CCDC33: variants seen among roughly 807,000 people sequenced by gnomAD.
CCDC33 encodes the protein coiled-coil domain containing 33.
Under a neutral mutation model 91.9 loss-of-function variants are expected in CCDC33, and 94 were observed. That is an observed-to-expected ratio of 1.02 (90% CI 0.87 to 1.21). The LOEUF is 1.21. Among genes scored for constraint, CCDC33 ranks in the 50% most tolerant of loss-of-function variants. The pLI, the probability that CCDC33 is intolerant of heterozygous loss-of-function variation, is 0.00. For synonymous variants in CCDC33, 396 were observed against 374.5 expected, an observed-to-expected ratio of 1.06 and a Z score of -0.66; for missense variants, 940 against 935.5, an observed-to-expected ratio of 1.00 and a Z score of -0.06.
chr15:74,214,940 T>C (rs1278697453), upstream of CCDC33, among the ~76,000 whole-genome samples: 1 of 152,254 alleles, frequency 6.6e-6, no homozygotes, highest in African/African-American at 2.4e-5. Context: ...GCTTTAACCA[T>C]TTCCCAGGCA....
rs79782206 is a variant in CCDC33 at position 74,250,571 on chromosome 15, C to T, written c.185+6423C>T. ...TCCTCCCTCATTACATGTTTTCATG[C>T]GACTCTGTACCAGGATATGTGCTTA... On this transcript the variant is annotated intron_variant, in intron 2 of 18. Transcript: ENST00000398814. 7.0e-3 allele frequency among the ~76,000 whole-genome samples: 1,073 copies of T among 152,332 alleles called. 12 individuals are homozygous for T. The Middle Eastern group carries it at 0.075, about 11-fold the overall frequency.
At chr15:74,333,078 C>G in intron 16 of CCDC33, 1 of 777,554 alleles carries the variant, frequency 1.3e-6, no homozygotes, top group Non-Finnish European at 2.1e-6. Flanking sequence ...AAAGCAAGCC[C>G]CTTGTTGACC....
At chr15:74,333,824 C>A in intron 16 of CCDC33, 57 bp from the exon 17 acceptor site, 1 of 1,438,856 alleles carries the variant, frequency 6.9e-7, no homozygotes, top group Non-Finnish European at 9.7e-7. Context: ...GTTTCCCAAG[C>A]TCACACTGCC....
intron 1 of CCDC33, 112 bp from the exon 2 acceptor site, chr15:74,243,873 A>T (rs1329354036): frequency 2.3e-5 from 26 of 1,151,420 alleles, no homozygotes; most frequent in Non-Finnish European, 3.1e-5. Flanking sequence ...TGAACCTGGG[A>T]GGTAGAGGCT....
intron 10 of CCDC33, among the ~76,000 whole-genome samples, chr15:74,292,565 G>A (rs1434971463): frequency 3.3e-5 from 5 of 152,160 alleles, no homozygotes; most frequent in South Asian, 2.1e-4. Flanking sequence ...GTGCTGTTTG[G>A]AGGTCTAAAG....
chr15:74,332,692 C>T lies in CCDC33; in HGVS notation c.1785C>T (p.Leu595=). The change falls in exon 16 of 19, where the codon CTC becomes CTT. Residue 595 remains leucine (L), a synonymous_variant. Transcript: ENST00000398814. The part of the protein sequence containing the change: ...QGKPYTGFPM[L]SASGLPLGSM... ...CCGTGTCTCTAGGCTTCCCTATGCT[C>T]TCAGCCTCTGGCCTTCCCTTGGGTT... is the stretch of plus-strand genomic sequence containing the variant. 2 of 1,614,160 alleles carry T rather than the reference C, an allele frequency of 1.2e-6. No homozygotes were observed. Among genetic ancestry groups the T allele is most frequent in the Non-Finnish European group, 1.7e-6 (2 of 1,179,990 alleles).
chr15:74,219,254 G>A (rs1342912589), intron 2 of CCDC33, among the ~76,000 whole-genome samples: 1 of 152,200 alleles, frequency 6.6e-6, no homozygotes, highest in Non-Finnish European at 1.5e-5. Context: ...CCCTGACCAG[G>A]AGGGGCTCAA....
At chr15:74,282,730 A>G (rs765464094) in intron 10 of CCDC33, among the ~76,000 whole-genome samples, 1 of 152,108 alleles carries the variant, frequency 6.6e-6, no homozygotes, top group South Asian at 2.1e-4. Flanking sequence ...GTTGGTCCAA[A>G]TGTGAAGACA....
At chr15:74,286,448 A>G (rs777833232) in intron 10 of CCDC33, among the ~76,000 whole-genome samples, 2 of 152,018 alleles carry the variant, frequency 1.3e-5, no homozygotes, top group African/African-American at 2.4e-5. Flanking sequence ...TCGAGATCCC[A>G]CAGCATCCTG....
intron 2 of CCDC33, among the ~76,000 whole-genome samples, chr15:74,228,990 G>A (rs981511610): frequency 2.0e-5 from 3 of 152,176 alleles, no homozygotes; most frequent in African/African-American, 4.8e-5. Flanking sequence ...GCAGTTTCCT[G>A]TAATTGGAGC....
upstream of CCDC33, among the ~76,000 whole-genome samples, chr15:74,232,734 C>T (rs998353376): frequency 5.3e-5 from 8 of 152,216 alleles, no homozygotes; most frequent in African/African-American, 1.9e-4. Context: ...ATCAGGACTG[C>T]TCTGAGGGCC....
In CCDC33 at chr15:74,227,773, A is replaced by G. The variant is rs78536497; in HGVS notation, c.675+8912A>G. ...GTTCAGGTTCCTGGTCTGCCTTGCA[A>G]TAGGTGTTCCTGAGCAAGTCATTTT... On this transcript the variant is annotated intron_variant, in intron 2 of 2. Coordinates refer to the CCDC33 transcript ENST00000635913. 4.4e-3 allele frequency among the ~76,000 whole-genome samples: 668 copies of G among 152,306 alleles called. 2 individuals are homozygous for G. The highest frequency in any genetic ancestry group is 6.9e-3 in the Non-Finnish European group (470 of 68,030).
At position 74,218,903 on chromosome 15, in the gene CCDC33, G is replaced by C. The variant is rs931895929; in HGVS notation, c.675+42G>C. The stretch of plus-strand genomic sequence containing the variant: ...TCCCAGTTCAGGTTCTGGGCTCACC[G>C]GGTACAAGACCCAGCCTCCGTGATA... On this transcript the variant is annotated intron_variant, in intron 2 of 2. Coordinates refer to the CCDC33 transcript ENST00000635913. The surrounding 1 kb of genome is among the most constrained non-coding windows in gnomAD (Gnocchi z 4.8). The C allele has an allele frequency of 3.3e-6, 4 of 1,201,736 alleles. No individual in the cohort carries two copies. Among genetic ancestry groups the C allele is most frequent in the Middle Eastern group, 3.7e-4 (1 of 2,674 alleles). 74.4% of individuals were successfully genotyped at this position (1,201,736 alleles called of 1,614,324 possible).
upstream of CCDC33, among the ~76,000 whole-genome samples, chr15:74,213,733 G>A (rs1390914777): frequency 3.3e-5 from 5 of 152,318 alleles, no homozygotes; most frequent in East Asian, 3.9e-4. Context: ...TTGCCCTGTG[G>A]GCCTCTGGCA....
At chr15:74,323,277 C>T (rs543066561) in intron 11 of CCDC33, among the ~76,000 whole-genome samples, 128 of 152,102 alleles carry the variant, frequency 8.4e-4, no homozygotes, top group Admixed American at 3.1e-3. Flanking sequence ...CTCCTTTTTC[C>T]AAAATTCTTT....
chr15:74,332,396 G>A (rs2060457955), intron 15 of CCDC33, among the ~76,000 whole-genome samples: 2 of 152,226 alleles, frequency 1.3e-5, no homozygotes, highest in African/African-American at 4.8e-5. Context: ...GGCCCAGGGA[G>A]TGAGAAGAAT....
chr15:74,211,393 C>CTTTTT (rs34963230), intron 2 of CCDC33, among the ~76,000 whole-genome samples: 61 of 73,888 alleles, frequency 8.3e-4, no homozygotes, highest in East Asian at 1.3e-3. Flanking sequence ...CTGCCCCTGG[C>CTTTTT]TTTTTTTTTT....
At chr15:74,328,706 C>G (rs2060361659) in intron 11 of CCDC33, among the ~76,000 whole-genome samples, 1 of 152,208 alleles carries the variant, frequency 6.6e-6, no homozygotes. Context: ...TGGGCCCCTG[C>G]TGCCAGGAGA....
At position 74,333,775 on chromosome 15, in the gene CCDC33, G is replaced by A. The variant is rs1156944197; in HGVS notation, c.1939-106G>A. The stretch of plus-strand genomic sequence containing the variant: ...ACGCTCTGCCTCGGGAGCTCAGTCT[G>A]AACTCAGGCCTGACTGGTTTCTTCC... On this transcript the variant is annotated intron_variant, in intron 16 of 18. Coordinates refer to ENST00000398814, the MANE Select transcript of CCDC33 (RefSeq NM_025055.5). 7 of 862,848 alleles carry A rather than the reference G, an allele frequency of 8.1e-6. No homozygotes were observed. In the African/African-American group the frequency reaches 1.2e-4, roughly 14 times the overall value. 53.4% of individuals were successfully genotyped at this position (862,848 alleles called of 1,614,324 possible).
Sources: gnomAD v4.1 joint callset for allele counts (sites outside exome capture counted in the v4.1 genomes callset) on GRCh38, gnomAD v4.1.1 for gene constraint, Gnocchi (gnomAD v3.1) non-coding constraint, MANE v1.5 for transcripts, NCBI Gene and HGNC (gene_info 2026-07-23, HGNC 2026-07-21) for gene names.